BAIAP2: variants seen among roughly 807,000 people sequenced by gnomAD.
BAIAP2 encodes BAR/IMD domain-containing adapter protein 2.
In BAIAP2, 18 loss-of-function variants were observed where a neutral mutation model predicts 63.0. The ratio of observed to expected loss-of-function variants is 0.29; its 90% CI spans 0.20 to 0.42. The LOEUF (loss-of-function observed/expected upper bound fraction) is 0.42, where lower values mean the gene tolerates loss of function less well. Among genes scored for constraint, BAIAP2 ranks in the 10% least tolerant of loss-of-function variants. The probability of loss-of-function intolerance (pLI) is 1.00; values close to 1 mark genes in which losing one functional copy is unlikely to be tolerated. For missense variants in BAIAP2, 610 were observed against 734.3 expected, an observed-to-expected ratio of 0.83 and a Z score of 1.96; for synonymous variants, 386 against 307.6, an observed-to-expected ratio of 1.25 and a Z score of -2.67.
chr17:81,116,221 C>G lies in BAIAP2; in HGVS notation c.*382C>G, dbSNP rs749799833. 61 of 1,612,278 alleles carry G rather than the reference C, an allele frequency of 3.8e-5. 2 individuals are homozygous for G. The South Asian group carries it at 5.6e-4, about 15-fold the overall frequency. On this transcript the variant is annotated 3_prime_UTR_variant, in exon 14 of 14. Coordinates refer to ENST00000428708, the MANE Select transcript of BAIAP2 (RefSeq NM_001144888.2). ...CTCCTGCCTAATAAACAGGCTTCTC[C>G]TGCACCAGGTGTGATCTGTCCGCCC...
chr17:81,069,954 T>C lies in BAIAP2; in HGVS notation c.217+11987T>C, dbSNP rs575494888. On this transcript the variant is annotated intron_variant, in intron 3 of 13. Transcript: ENST00000428708. ...TTTTTGTTTTCTTGGTTTTTTGTTG[T>C]TGTTGTTGTCTTTTCCCCCTTTTTG... is the stretch of plus-strand genomic sequence containing the variant. Among the ~76,000 whole-genome samples the C allele has an allele frequency of 2.0e-5, 3 of 152,192 alleles. No individual in the cohort carries two copies. In the South Asian group the frequency reaches 6.2e-4, roughly 32 times the overall value.
chr17:81,093,006 C>T (rs2057035977), intron 6 of BAIAP2, among the ~76,000 whole-genome samples: 1 of 151,996 alleles, frequency 6.6e-6, no homozygotes, highest in South Asian at 2.1e-4. Context: ...GGGAGCAGGG[C>T]CCGGGGGACG....
At chr17:81,041,949 T>C (rs2143571319) in intron 1 of BAIAP2, among the ~76,000 whole-genome samples, 1 of 152,220 alleles carries the variant, frequency 6.6e-6, no homozygotes, top group Admixed American at 6.5e-5. Context: ...AAAACTTATT[T>C]TTCATGAAGA....
intron 3 of BAIAP2, among the ~76,000 whole-genome samples, chr17:81,065,614 C>T (rs940956284): frequency 2.0e-5 from 3 of 152,238 alleles, no homozygotes; most frequent in Non-Finnish European, 4.4e-5. Flanking sequence ...CCCCTCCACC[C>T]CCTTGCTGCT....
At chr17:81,038,578 G>T (rs912828080) in intron 1 of BAIAP2, among the ~76,000 whole-genome samples, 1 of 152,360 alleles carries the variant, frequency 6.6e-6, no homozygotes, top group African/African-American at 2.4e-5. Context: ...CCAGCCTGGC[G>T]GGGCCGCAGC....
Position 81,108,250 on chromosome 17 carries a change from G to A in BAIAP2, c.1501-225G>A, listed in dbSNP as rs563257025. 8 of 596,514 alleles carry A rather than the reference G, an allele frequency of 1.3e-5. No individual in the cohort carries two copies. The African/African-American group carries it at 1.5e-4, about 11-fold the overall frequency. The allele number at this position is 596,514 out of a possible 1,614,324, so 37.0% of individuals were successfully genotyped here. A position where few individuals can be genotyped will look rare whatever the true frequency, so the allele number is the denominator to read the frequency against. On this transcript the variant is annotated intron_variant, in intron 12 of 13. Coordinates refer to ENST00000428708, the MANE Select transcript of BAIAP2 (RefSeq NM_001144888.2). ...ACACAAATTGAGGTGGCCGCTGGCT[G>A]GAGGAGGTATCCCCTTTAATTTGGG...
intron 1 of BAIAP2, among the ~76,000 whole-genome samples, chr17:81,052,970 C>T (rs569438863): frequency 1.3e-5 from 2 of 152,162 alleles, no homozygotes; most frequent in South Asian, 2.1e-4. Flanking sequence ...TGGCTGTTGA[C>T]AGTCAGTGTA....
chr17:81,065,370 A>T (rs2051283178), intron 3 of BAIAP2, among the ~76,000 whole-genome samples: 1 of 152,096 alleles, frequency 6.6e-6, no homozygotes. Context: ...ATTTGCTAAG[A>T]TGTGTGAGTG....
At chr17:81,058,783 T>A (rs2050053792) in intron 3 of BAIAP2, among the ~76,000 whole-genome samples, 1 of 152,044 alleles carries the variant, frequency 6.6e-6, no homozygotes, top group Admixed American at 6.5e-5. Context: ...ATCTGGGAGG[T>A]GGTCTGCAGG....
chr17:81,040,270 C>T (rs1412445204), intron 1 of BAIAP2, among the ~76,000 whole-genome samples: 7 of 152,236 alleles, frequency 4.6e-5, no homozygotes, highest in Non-Finnish European at 4.4e-5. Context: ...GCACAGAGCC[C>T]GTGGTCCCCT....
intron 1 of BAIAP2, among the ~76,000 whole-genome samples, chr17:81,038,897 G>C (rs59787172): frequency 0.77 from 114,912 of 148,694 alleles, 43,770 homozygotes; most frequent in Middle Eastern, 0.84. Flanking sequence ...TCGCCTTCCT[G>C]GGTGGGGGGG....
At position 81,057,987 on chromosome 17, in the gene BAIAP2, CCCG is replaced by C. The variant is rs202085663; in HGVS notation, c.217+23_217+25del. ...AACTCGGTGAGACCCCCCCCCCCCC[CCCG>C]CCTGGTAGTCGCCTGATGCCCTCAG... On this transcript the variant is annotated intron_variant, in intron 3 of 13. Transcript: ENST00000428708. 19 of 1,149,188 alleles carry C rather than the reference CCCG, an allele frequency of 1.7e-5. No homozygotes were observed. Among genetic ancestry groups the C allele is most frequent in the South Asian group, 1.2e-4 (7 of 60,100 alleles). The allele number at this position is 1,149,188 out of a possible 1,614,324, so 71.2% of individuals were successfully genotyped here. A position where few individuals can be genotyped will look rare whatever the true frequency, so the allele number is the denominator to read the frequency against.
At chr17:81,083,808 T>A (rs1238837340) in intron 3 of BAIAP2, 1 of 152,102 alleles carries the variant, frequency 6.6e-6, no homozygotes. Context: ...CAGAGGAAGG[T>A]GGGAAACATC....
At chr17:81,042,790 G>T (rs1264373156) in intron 1 of BAIAP2, among the ~76,000 whole-genome samples, 1 of 152,194 alleles carries the variant, frequency 6.6e-6, no homozygotes, top group African/African-American at 2.4e-5. Flanking sequence ...TAGAGGGTTT[G>T]TCTCACCCAG....
At chr17:81,065,440 G>A (rs2051293810) in intron 3 of BAIAP2, among the ~76,000 whole-genome samples, 1 of 152,248 alleles carries the variant, frequency 6.6e-6, no homozygotes, top group Non-Finnish European at 1.5e-5. Flanking sequence ...CTGGTGTGGA[G>A]ACCCAAGGGT....
At chr17:81,105,104 C>A (rs971408768) in intron 10 of BAIAP2, 5 of 110,414 alleles carry the variant, frequency 4.5e-5, no homozygotes, top group Admixed American at 4.0e-4. Flanking sequence ...GCAGGGGTCT[C>A]CCCCCAGTGG....
At chr17:81,110,551 C>T (rs758843894) in intron 13 of BAIAP2, 983 of 1,142,188 alleles carry the variant, frequency 8.6e-4, no homozygotes, top group Admixed American at 1.3e-3. Flanking sequence ...TCCCGGCGTG[C>T]GTCTTTGCCG....
chr17:81,100,942 A>G (rs1261126564), intron 7 of BAIAP2, among the ~76,000 whole-genome samples: 2 of 152,088 alleles, frequency 1.3e-5, no homozygotes, highest in Non-Finnish European at 2.9e-5. Context: ...TGGTGGCCAC[A>G]TGCTGCTGCC....
chr17:81,068,755 G>C (rs1296282863), intron 3 of BAIAP2, among the ~76,000 whole-genome samples: 1 of 152,178 alleles, frequency 6.6e-6, no homozygotes. Flanking sequence ...GGAGGGCCTG[G>C]GGGGACTCCG....
Sources: allele counts gnomAD v4.1 joint callset (sites outside exome capture counted in the v4.1 genomes callset), GRCh38; gene constraint gnomAD v4.1.1; transcripts MANE v1.5; gene names NCBI Gene and HGNC (gene_info 2026-07-23, HGNC 2026-07-21).